The following PCDHGA6 variants were observed in gnomAD, a reference collection of about 807,000 sequenced individuals.
PCDHGA6 encodes protocadherin gamma-A6.
A neutral mutation model predicts 60.6 loss-of-function variants in PCDHGA6; 41 were observed. The observed-to-expected ratio is 0.68, with a 90% CI of 0.53 to 0.88. The LOEUF is 0.88. Ranked by LOEUF, PCDHGA6 falls within the 40% of genes least tolerant of loss-of-function variation. The pLI is 0.00. For synonymous variants in PCDHGA6, 594 were observed against 524.4 expected, an observed-to-expected ratio of 1.13 and a Z score of -1.81; for missense variants, 1,312 against 1,203.0, an observed-to-expected ratio of 1.09 and a Z score of -1.34.
chr5:141,414,615 G>T, intron 1 of PCDHGA6: 1 of 1,613,962 alleles, frequency 6.2e-7, no homozygotes, highest in Non-Finnish European at 8.5e-7. Flanking sequence ...CAGTGACAGC[G>T]CTGGACCCGG....
At chr5:141,421,718 G>C (rs778263773) in intron 1 of PCDHGA6, 1 of 1,613,966 alleles carries the variant, frequency 6.2e-7, no homozygotes, top group Middle Eastern at 1.7e-4. Context: ...CCAGATGTGG[G>C]CGTGAACTCC....
At position 141,375,028 on chromosome 5, in the gene PCDHGA6, T is replaced by G. The variant is rs775365002; in HGVS notation, c.945T>G (p.Tyr315Ter). ...TAGACTATGAGGACTCGAGTTTTTATGAGCTGGGTGTTGAAGCCCGGGATG... is the reference window on the plus strand; with the variant it reads ...TAGACTATGAGGACTCGAGTTTTTAGGAGCTGGGTGTTGAAGCCCGGGATG... ...ANLDYEDSSF[Y>*]ELGVEARDGP... Residue 315 changes from tyrosine (Y) to a stop codon, truncating the protein, a stop_gained, in exon 1 of 4, where the codon TAT (tyrosine) becomes TAG (stop). Transcript: ENST00000517434. LOFTEE classifies it high-confidence loss of function. 1.2e-6 allele frequency: 2 copies of G among 1,613,924 alleles called. No homozygotes were observed. Among genetic ancestry groups the G allele is most frequent in the Admixed American group, 1.7e-5 (1 of 60,006 alleles).
chr5:141,492,023 C>A, intron 1 of PCDHGA6: 1 of 564,804 alleles, frequency 1.8e-6, no homozygotes, highest in Non-Finnish European at 3.0e-6. Context: ...TCGGGGGTCC[C>A]GGGAGGAGGC....
chr5:141,494,953 T>G, intron 2 of PCDHGA6, 88 bp downstream of exon 2: 1 of 1,604,164 alleles, frequency 6.2e-7, no homozygotes, highest in Non-Finnish European at 8.5e-7. Flanking sequence ...GCCCAGCATT[T>G]GCTACAGATG....
At position 141,394,998 on chromosome 5, in the gene PCDHGA6, G is replaced by T. The variant is rs774774010; in HGVS notation, c.2424+18491G>T. On this transcript the variant is annotated intron_variant, in intron 1 of 3. Transcript: ENST00000517434. ...CAAGTCACGCCTGCTCCAGGATTCC[G>T]GTGGCAGATTGGTAGGCGTGCCTGC... The T allele has an allele frequency of 2.7e-5, 44 of 1,613,892 alleles. No homozygotes were observed. Among genetic ancestry groups the T allele is most frequent in the Non-Finnish European group, 3.1e-5 (36 of 1,179,930 alleles).
chr5:141,383,111 G>A (rs1778825572), intron 1 of PCDHGA6: 3 of 1,614,040 alleles, frequency 1.9e-6, no homozygotes, highest in Non-Finnish European at 2.5e-6. Context: ...TCCAGAGGTA[G>A]GACGCAGCTT....
At chr5:141,403,208 A>T (rs763459005) in intron 1 of PCDHGA6, 2 of 1,613,962 alleles carry the variant, frequency 1.2e-6, no homozygotes, top group Non-Finnish European at 1.7e-6. Flanking sequence ...CACCTTGGTC[A>T]CCGCGGGTAG....
In PCDHGA6 at chr5:141,415,732, T is replaced by C. The variant is rs1159160519; in HGVS notation, c.2424+39225T>C. 4 of 1,411,138 alleles carry C rather than the reference T, an allele frequency of 2.8e-6. No individual in the cohort carries two copies. In the South Asian group the frequency reaches 5.0e-5, roughly 18 times the overall value. The allele number at this position is 1,411,138 out of a possible 1,614,324, so 87.4% of individuals were successfully genotyped here. ...AACACTGATGAGTAGAATTTGATGT[T>C]TATTAAGGTTTTTTTTTTTTTTTTT... On this transcript the variant is annotated intron_variant, in intron 1 of 3. Coordinates refer to ENST00000517434, the MANE Select transcript of PCDHGA6 (RefSeq NM_018919.3).
intron 1 of PCDHGA6, chr5:141,428,437 C>G: frequency 2.5e-6 from 1 of 400,386 alleles, no homozygotes; most frequent in East Asian, 5.4e-5. Flanking sequence ...TAAGACTAGA[C>G]CAGGGGTTTT....
At chr5:141,395,547 TGTGTGTGTGTGTGTGTGTG>T (rs2093270842) in intron 1 of PCDHGA6, 3 of 174,256 alleles carry the variant, frequency 1.7e-5, no homozygotes, top group Non-Finnish European at 3.5e-5. Flanking sequence ...ATTGTTTGTG[TGTGTGTGTGTGTGTGTGTG>T]TGTGTGTGTG....
intron 1 of PCDHGA6, among the ~76,000 whole-genome samples, chr5:141,466,268 T>A (rs568525260): frequency 6.6e-6 from 1 of 152,150 alleles, no homozygotes; most frequent in Non-Finnish European, 1.5e-5. Context: ...CCTCGTGAGC[T>A]CAAGCAATCT....
intron 1 of PCDHGA6, chr5:141,403,610 C>T: frequency 6.2e-7 from 1 of 1,613,860 alleles, no homozygotes; most frequent in Non-Finnish European, 8.5e-7. Context: ...TGGCGGCGAG[C>T]CGCGTCGCTC....
At position 141,491,101 on chromosome 5, in the gene PCDHGA6, G is replaced by A. The variant is rs1270788252; in HGVS notation, c.2425-3706G>A. Reference sequence around the variant, plus strand: ...GTCCACAGCCCCAGGACTGTTCCTCGTGTCTACACACACTGGTGAGGTGCG... The same window carrying A: ...GTCCACAGCCCCAGGACTGTTCCTCATGTCTACACACACTGGTGAGGTGCG... On this transcript the variant is annotated intron_variant, in intron 1 of 3. Transcript: ENST00000517434. This position sits in a 1 kb window ranked among gnomAD's most constrained non-coding sequence, Gnocchi z 6.9. The A allele has an allele frequency of 8.1e-6, 13 of 1,614,102 alleles. No individual in the cohort carries two copies. In the East Asian group the frequency reaches 1.6e-4, roughly 19 times the overall value.
Position 141,432,647 on chromosome 5 carries a change from C to G in PCDHGA6, c.2424+56140C>G, listed in dbSNP as rs747789886. The G allele has an allele frequency of 1.7e-5, 28 of 1,613,678 alleles. No individual in the cohort carries two copies. In the Admixed American group the frequency reaches 4.5e-4, roughly 26 times the overall value. ...GCACACGGGCGAGGTGCGCACGGCG[C>G]GAGCCCTGCTGGACAGAGACGCGCT... On this transcript the variant is annotated intron_variant, in intron 1 of 3. Coordinates refer to ENST00000517434, the MANE Select transcript of PCDHGA6 (RefSeq NM_018919.3). This position sits in a 1 kb window ranked among gnomAD's most constrained non-coding sequence, Gnocchi z 6.0.
intron 1 of PCDHGA6, among the ~76,000 whole-genome samples, chr5:141,462,125 A>AT (rs1561991410): frequency 6.6e-6 from 1 of 151,688 alleles, no homozygotes; most frequent in African/African-American, 2.4e-5. Context: ...ACCCAGTCCA[A>AT]TTTTTTGTAT....
At chr5:141,421,974 C>T in intron 1 of PCDHGA6, 3 of 1,609,644 alleles carry the variant, frequency 1.9e-6, no homozygotes, top group African/African-American at 1.3e-5. Flanking sequence ...CCGTATATCG[C>T]GTGAGTGTTC....
chr5:141,430,897 C>T, intron 1 of PCDHGA6: 1 of 1,605,442 alleles, frequency 6.2e-7, no homozygotes, highest in Non-Finnish European at 8.5e-7. Context: ...CTAGGGTGGG[C>T]GACATCTCCA....
In PCDHGA6 at chr5:141,477,428, T is replaced by C; in HGVS notation, c.2425-17379T>C. On this transcript the variant is annotated intron_variant, in intron 1 of 3. Transcript: ENST00000517434. The surrounding 1 kb of genome is among the most constrained non-coding windows in gnomAD (Gnocchi z 4.9). ...CCGAGACGCCGGAACCCCTTCCCTC[T>C]CAGCCCTTACAATAGTGCGTGTTCA... The C allele has an allele frequency of 6.2e-7, 1 of 1,614,142 alleles. No individual in the cohort carries two copies. Among genetic ancestry groups the C allele is most frequent in the Non-Finnish European group, 8.5e-7 (1 of 1,180,036 alleles).
intron 1 of PCDHGA6, chr5:141,384,677 C>T (rs919957351): frequency 2.5e-6 from 4 of 1,614,188 alleles, no homozygotes; most frequent in South Asian, 1.1e-5. Context: ...AAGGTGGTGG[C>T]GGTGGACAAA....
Sources: allele counts gnomAD v4.1 joint callset (sites outside exome capture counted in the v4.1 genomes callset), GRCh38; gene constraint gnomAD v4.1.1; non-coding constraint Gnocchi (gnomAD v3.1); transcripts MANE v1.5; gene names NCBI Gene and HGNC (gene_info 2026-07-23, HGNC 2026-07-21).